The following ZNF516 variants were observed in gnomAD, a reference collection of about 807,000 sequenced individuals.
ZNF516 encodes the protein zinc finger protein 516.
Under a neutral mutation model 79.7 loss-of-function variants are expected in ZNF516, and 19 were observed. That is an observed-to-expected ratio of 0.24 (90% CI 0.17 to 0.35). The LOEUF is 0.35. Among genes scored for constraint, ZNF516 ranks in the 10% least tolerant of loss-of-function variants. ZNF516 has a pLI of 1.00. For missense variants in ZNF516, 1,678 were observed against 1,679.5 expected (o/e 1.00, Z 0.02); for synonymous variants, 877 against 739.5 (o/e 1.19, Z -3.02).
chr18:76,473,129 C>T (rs1250238881), intron 1 of ZNF516, among the ~76,000 whole-genome samples: 1 of 151,896 alleles, frequency 6.6e-6, no homozygotes, highest in African/African-American at 2.4e-5. Flanking sequence ...TATATGCTTT[C>T]TATATGCTTT....
intron 3 of ZNF516, among the ~76,000 whole-genome samples, chr18:76,399,085 A>C (rs1568259551): frequency 6.6e-6 from 1 of 152,120 alleles, no homozygotes; most frequent in Admixed American, 6.5e-5. Context: ...CATGGAAGCT[A>C]CCACTAGATG....
chr18:76,413,829 T>C (rs17059342), intron 3 of ZNF516, among the ~76,000 whole-genome samples: 5 of 152,174 alleles, frequency 3.3e-5, no homozygotes, highest in African/African-American at 4.8e-5. Context: ...CGAAACCTCA[T>C]GAACAAAAAT....
chr18:76,381,879 C>G (rs1233014456), intron 3 of ZNF516, among the ~76,000 whole-genome samples: 1 of 152,212 alleles, frequency 6.6e-6, no homozygotes, highest in African/African-American at 2.4e-5. Context: ...TGCCTGCAAT[C>G]CCAGCACTAT....
chr18:76,404,491 ATGTGTGCATG>A (rs902788531), intron 3 of ZNF516, among the ~76,000 whole-genome samples: 7 of 151,524 alleles, frequency 4.6e-5, no homozygotes, highest in South Asian at 2.1e-4. Flanking sequence ...GCATGTAAGC[ATGTGTGCATG>A]TGTGTGCATG....
At chr18:76,395,893 C>T (rs1308003268) in intron 3 of ZNF516, among the ~76,000 whole-genome samples, 1 of 152,224 alleles carries the variant, frequency 6.6e-6, no homozygotes, top group Non-Finnish European at 1.5e-5. Flanking sequence ...CCTCGTCCAG[C>T]TCCCCACACC....
At chr18:76,412,512 C>A (rs1050884547) in intron 3 of ZNF516, among the ~76,000 whole-genome samples, 2 of 152,182 alleles carry the variant, frequency 1.3e-5, no homozygotes, top group Non-Finnish European at 2.9e-5. Context: ...ACTCTACGAA[C>A]CCACCTGGCG....
Position 76,443,110 on chromosome 18 carries a change from A to G in ZNF516, c.-56T>C. On this transcript the variant is annotated 5_prime_UTR_variant, in exon 3 of 7. Coordinates refer to ENST00000443185, the MANE Select transcript of ZNF516 (RefSeq NM_014643.4). ...CACAGCTTTCTGTCGCGCGGGCTGC[A>G]GGGACCGTCCTATCTCTCCATGGTC... 1 of 1,521,826 alleles carries G rather than the reference A, an allele frequency of 6.6e-7. No individual in the cohort carries two copies. Among genetic ancestry groups the G allele is most frequent in the Non-Finnish European group, 8.8e-7 (1 of 1,142,380 alleles). 94.3% of individuals were successfully genotyped at this position (1,521,826 alleles called of 1,614,324 possible). A position where few individuals can be genotyped will look rare whatever the true frequency, so the allele number is the denominator to read the frequency against.
chr18:76,487,161 C>A (rs1914878480), intron 1 of ZNF516, among the ~76,000 whole-genome samples: 1 of 152,154 alleles, frequency 6.6e-6, no homozygotes, highest in South Asian at 2.1e-4. Flanking sequence ...ATGTTGAGAG[C>A]CACAAATTAC....
chr18:76,494,220 A>G (rs771084604), intron 1 of ZNF516, among the ~76,000 whole-genome samples: 5 of 152,190 alleles, frequency 3.3e-5, no homozygotes, highest in Non-Finnish European at 7.3e-5. Context: ...TTAAAACTTG[A>G]GGCGGTTTAA....
In ZNF516 at chr18:76,442,977, C is replaced by T; in HGVS notation, c.78G>A (p.Val26=). ...SPTRAGRGHE[V]DGDKATCHTC... is the part of the protein sequence containing the mutation. ...TGTGGCAGGTAGCCTTGTCCCCATC[C>T]ACCTCGTGGCCCCGGCCGGCCCTGG... The change falls in exon 3 of 7, where the codon GTG becomes GTA. Residue 26 remains valine (V), a synonymous_variant. Coordinates refer to ENST00000443185, the MANE Select transcript of ZNF516 (RefSeq NM_014643.4). The T allele has an allele frequency of 6.2e-7, 1 of 1,606,074 alleles. No individual in the cohort carries two copies.
chr18:76,492,198 TC>T, intron 1 of ZNF516: 1 of 985,330 alleles, frequency 1.0e-6, no homozygotes, highest in Non-Finnish European at 1.2e-6. Flanking sequence ...CCCGCGGTGC[TC>T]CCGGAAGACA....
chr18:76,414,559 C>T (rs1187172683), intron 3 of ZNF516, among the ~76,000 whole-genome samples: 1 of 152,194 alleles, frequency 6.6e-6, no homozygotes, highest in African/African-American at 2.4e-5. Flanking sequence ...AATCTACATA[C>T]TACTGTCGAT....
chr18:76,407,525 G>C (rs989335422), intron 3 of ZNF516, among the ~76,000 whole-genome samples: 2 of 152,098 alleles, frequency 1.3e-5, no homozygotes, highest in Non-Finnish European at 2.9e-5. Context: ...GAGGAGACGG[G>C]GCCATGTGAT....
At chr18:76,464,250 T>C (rs1267516299) in intron 1 of ZNF516, among the ~76,000 whole-genome samples, 1 of 152,166 alleles carries the variant, frequency 6.6e-6, no homozygotes, top group Non-Finnish European at 1.5e-5. Context: ...CGTGTGCCTG[T>C]AGTCCCAGTC....
At chr18:76,463,588 C>T (rs975757838) in intron 1 of ZNF516, among the ~76,000 whole-genome samples, 4 of 152,230 alleles carry the variant, frequency 2.6e-5, no homozygotes, top group Non-Finnish European at 4.4e-5. Flanking sequence ...GGGTGGCTCT[C>T]GCTCTTCTTG....
At chr18:76,406,660 G>C (rs2075307881) in intron 3 of ZNF516, among the ~76,000 whole-genome samples, 2 of 152,186 alleles carry the variant, frequency 1.3e-5, no homozygotes, top group African/African-American at 4.8e-5. Flanking sequence ...AGCCTTCCTG[G>C]CTCTGCTGGC....
chr18:76,429,325 C>T (rs1001681936), intron 3 of ZNF516, among the ~76,000 whole-genome samples: 4 of 152,206 alleles, frequency 2.6e-5, no homozygotes, highest in Non-Finnish European at 5.9e-5. Context: ...TTGTCCATGG[C>T]CTTGGGACAG....
chr18:76,494,489 C>T (rs1475029398), intron 1 of ZNF516, among the ~76,000 whole-genome samples: 5 of 145,402 alleles, frequency 3.4e-5, no homozygotes, highest in Non-Finnish European at 7.5e-5. Flanking sequence ...CCTTCCAGGA[C>T]CTCTCACTTC....
At chr18:76,417,833 CTGAAAAATGATAT>C (rs937631366) in intron 3 of ZNF516, among the ~76,000 whole-genome samples, 3 of 152,128 alleles carry the variant, frequency 2.0e-5, no homozygotes, top group African/African-American at 7.2e-5. Context: ...ATCTAAACCT[CTGAAAAATGATAT>C]TTAAATATAC....
Sources: gnomAD v4.1 joint callset for allele counts (sites outside exome capture counted in the v4.1 genomes callset) on GRCh38, gnomAD v4.1.1 for gene constraint, MANE v1.5 for transcripts, NCBI Gene and HGNC (gene_info 2026-07-23, HGNC 2026-07-21) for gene names.